Variants in AGK observed in about 807,000 individuals in gnomAD.
AGK encodes acylglycerol kinase, mitochondrial.
Under a neutral mutation model 66.4 loss-of-function variants are expected in AGK, and 52 were observed. That is an observed-to-expected ratio of 0.78 (90% confidence interval 0.63 to 0.99). AGK has a LOEUF of 0.99. Among genes scored for constraint, AGK ranks in the 50% least tolerant of loss-of-function variants. AGK has a pLI of 0.00. For synonymous variants in AGK, 182 were observed against 181.1 expected (o/e 1.00, Z -0.04); for missense variants, 451 against 506.6 (o/e 0.89, Z 1.05).
intron 8 of AGK, among the ~76,000 whole-genome samples, chr7:141,620,594 A>C (rs1055826181): frequency 3.7e-5 from 5 of 135,912 alleles, no homozygotes; most frequent in African/African-American, 1.3e-4. Context: ...ACCACTTTGG[A>C]AACCAGTGCC....
At chr7:141,637,931 C>T (rs980295385) in intron 11 of AGK, among the ~76,000 whole-genome samples, 20 of 152,142 alleles carry the variant, frequency 1.3e-4, no homozygotes, top group Admixed American at 1.3e-4. Context: ...CTTTGCAGGG[C>T]AAGGTCTTTA....
At chr7:141,644,977 A>C (rs1356064991) in intron 13 of AGK, among the ~76,000 whole-genome samples, 1 of 151,322 alleles carries the variant, frequency 6.6e-6, no homozygotes, top group Admixed American at 6.6e-5. Context: ...TTCTCTTATT[A>C]TAGTTTTATA....
In AGK at chr7:141,555,354, T is replaced by A; in HGVS notation, c.-14-99T>A. On this transcript the variant is annotated intron_variant, in intron 1 of 15. Transcript: ENST00000649286. The surrounding 1 kb of genome is among the most constrained non-coding windows in gnomAD (Gnocchi z 4.2). ...GAGGAGTGAGTGGGAAAAAAAGGAG[T>A]GAGAGAGGATAAAAGAATGGAAGAC... is the stretch of plus-strand genomic sequence containing the variant. 1.4e-6 allele frequency: 1 copy of A among 725,330 alleles called. No homozygotes were observed. Among genetic ancestry groups the A allele is most frequent in the South Asian group, 2.2e-5 (1 of 45,540 alleles). The allele number at this position is 725,330 out of a possible 1,614,324, so 44.9% of individuals were successfully genotyped here.
At chr7:141,580,107 T>C (rs1795849126) in intron 2 of AGK, among the ~76,000 whole-genome samples, 1 of 152,016 alleles carries the variant, frequency 6.6e-6, no homozygotes, top group South Asian at 2.1e-4. Context: ...GGAGGACCCT[T>C]GCATAGTGAG....
chr7:141,614,567 A>G (rs1796666387), intron 7 of AGK, among the ~76,000 whole-genome samples: 1 of 152,108 alleles, frequency 6.6e-6, no homozygotes, highest in Non-Finnish European at 1.5e-5. Flanking sequence ...AATAAAAAAA[A>G]AAGCAGGTTG....
At chr7:141,642,379 C>T (rs1797310635) in intron 13 of AGK, among the ~76,000 whole-genome samples, 2 of 152,082 alleles carry the variant, frequency 1.3e-5, no homozygotes, top group Admixed American at 6.6e-5. Flanking sequence ...ATGCACTATC[C>T]CATACGGTAG....
At chr7:141,566,358 C>T (rs1180562103) in intron 2 of AGK, among the ~76,000 whole-genome samples, 2 of 152,260 alleles carry the variant, frequency 1.3e-5, no homozygotes, top group East Asian at 3.9e-4. Context: ...CCTGCAGGCC[C>T]AGTACATAGA....
Position 141,653,659 on chromosome 7 carries a change from T to G in AGK, c.*735T>G, listed in dbSNP as rs1441581726. 1 of 152,180 alleles carries G rather than the reference T, an allele frequency of 6.6e-6. No individual in the cohort carries two copies. Among genetic ancestry groups the G allele is most frequent in the African/African-American group, 2.4e-5 (1 of 41,452 alleles). 9.4% of individuals were successfully genotyped at this position (152,180 alleles called of 1,614,324 possible). A position where few individuals can be genotyped will look rare whatever the true frequency, so the allele number is the denominator to read the frequency against. ...CCTTCCCAGGTGATTCTGTAAGTTG[T>G]CCCTCAACTGTACTTGGAGAAATCG... On this transcript the variant is annotated 3_prime_UTR_variant, in exon 16 of 16. Coordinates refer to ENST00000649286, the MANE Select transcript of AGK (RefSeq NM_018238.4).
rs990789277 is a variant in AGK, at chr7:141,598,526, A to G, written c.221+1885A>G. Among the ~76,000 whole-genome samples, 3 of 152,222 alleles carry G rather than the reference A, an allele frequency of 2.0e-5. No individual in the cohort carries two copies. The highest frequency in any genetic ancestry group is 4.4e-5 in the Non-Finnish European group (3 of 68,040). On this transcript the variant is annotated intron_variant, in intron 4 of 15. Coordinates refer to ENST00000649286, the MANE Select transcript of AGK (RefSeq NM_018238.4). The surrounding 1 kb of genome is among the most constrained non-coding windows in gnomAD (Gnocchi z 4.2). ...AATCCCCAGTTTACTCATCTGTAAA[A>G]TCAGAAAGGCAATAGTACATACTTT...
At chr7:141,578,516 A>G (rs182685614) in intron 2 of AGK, among the ~76,000 whole-genome samples, 1 of 151,888 alleles carries the variant, frequency 6.6e-6, no homozygotes, top group African/African-American at 2.4e-5. Flanking sequence ...AACATAAAAT[A>G]GTATCGAAGT....
At chr7:141,595,145 ACTC>A (rs1182880735) in intron 3 of AGK, among the ~76,000 whole-genome samples, 1 of 152,086 alleles carries the variant, frequency 6.6e-6, no homozygotes, top group Non-Finnish European at 1.5e-5. Flanking sequence ...TCTCACATAA[ACTC>A]CTTAGCTCAC....
At chr7:141,648,832 A>C (rs1797478591) in intron 13 of AGK, among the ~76,000 whole-genome samples, 1 of 152,202 alleles carries the variant, frequency 6.6e-6, no homozygotes, top group South Asian at 2.1e-4. Flanking sequence ...AAGCACAGGC[A>C]CTTGGGCTCT....
At chr7:141,579,667 A>G (rs1334769889) in intron 2 of AGK, among the ~76,000 whole-genome samples, 1 of 151,980 alleles carries the variant, frequency 6.6e-6, no homozygotes. Context: ...CAGATGGAAC[A>G]CTGAAAATTG....
chr7:141,596,544 T>G lies in AGK; in HGVS notation c.142-18T>G, dbSNP rs113134123. On this transcript the variant is annotated intron_variant, in intron 3 of 15. Transcript: ENST00000649286. ...ATAAATGGACTTTTACTGAAAACTT[T>G]GCTCTTTTCTTTTTTAGGTGTTTGG... 36 of 1,610,070 alleles carry G rather than the reference T, an allele frequency of 2.2e-5. No individual in the cohort carries two copies. The highest frequency in any genetic ancestry group is 1.9e-4 in the African/African-American group (14 of 74,938).
At chr7:141,588,082 T>G (rs1426461537) in intron 2 of AGK, among the ~76,000 whole-genome samples, 1 of 152,218 alleles carries the variant, frequency 6.6e-6, no homozygotes, top group African/African-American at 2.4e-5. Context: ...AAAAATATTA[T>G]GTGAGTGTGA....
At chr7:141,558,137 T>A (rs1487258852) in intron 2 of AGK, among the ~76,000 whole-genome samples, 1 of 152,108 alleles carries the variant, frequency 6.6e-6, no homozygotes, top group African/African-American at 2.4e-5. Flanking sequence ...TTATAATGTC[T>A]ATAATGTTTA....
At chr7:141,584,747 C>T (rs1215073279) in intron 2 of AGK, among the ~76,000 whole-genome samples, 2 of 152,136 alleles carry the variant, frequency 1.3e-5, no homozygotes, top group Non-Finnish European at 2.9e-5. Context: ...AGCTGTTTTT[C>T]TTTTGCTAAA....
At chr7:141,563,639 G>T (rs1006623302) in intron 2 of AGK, among the ~76,000 whole-genome samples, 1 of 152,082 alleles carries the variant, frequency 6.6e-6, no homozygotes, top group African/African-American at 2.4e-5. Context: ...CTTCTCATTG[G>T]TTGAATGCTA....
chr7:141,633,117 C>T (rs1332776261), intron 9 of AGK, among the ~76,000 whole-genome samples: 3 of 152,110 alleles, frequency 2.0e-5, no homozygotes, highest in African/African-American at 4.8e-5. Flanking sequence ...TCTGTGGAGT[C>T]TTATGTAGCA....
Sources: allele counts gnomAD v4.1 joint callset (sites outside exome capture counted in the v4.1 genomes callset), GRCh38; gene constraint gnomAD v4.1.1; non-coding constraint Gnocchi (gnomAD v3.1); transcripts MANE v1.5; gene names NCBI Gene and HGNC (gene_info 2026-07-23, HGNC 2026-07-21).